TNRC6A: variants seen among roughly 807,000 people sequenced by gnomAD.
The protein encoded by TNRC6A is trinucleotide repeat-containing gene 6A protein.
A neutral mutation model predicts 221.2 loss-of-function variants in TNRC6A; 44 were observed. The ratio of observed to expected loss-of-function variants is 0.20; its 90% CI spans 0.16 to 0.26. TNRC6A has a LOEUF of 0.26. Among genes scored for constraint, TNRC6A ranks in the 10% least tolerant of loss-of-function variants. The probability of loss-of-function intolerance (pLI) is 1.00; values close to 1 mark genes in which losing one functional copy is unlikely to be tolerated. For missense variants in TNRC6A, 2,199 were observed against 2,404.4 expected (o/e 0.91, Z 1.79); for synonymous variants, 847 against 838.5 (o/e 1.01, Z -0.18).
intron 2 of TNRC6A, among the ~76,000 whole-genome samples, chr16:24,657,570 A>G (rs1470507671): frequency 1.3e-5 from 2 of 152,022 alleles, no homozygotes; most frequent in Non-Finnish European, 2.9e-5. Flanking sequence ...GTAACCAGCC[A>G]TGATGGCACG....
chr16:24,687,862 G>GAAGAAGAAGAAA (rs2055664851), intron 2 of TNRC6A, among the ~76,000 whole-genome samples: 1 of 150,268 alleles, frequency 6.7e-6, no homozygotes, highest in African/African-American at 2.4e-5. Flanking sequence ...AGAAGAAGAA[G>GAAGAAGAAGAAA]AAGAAGAAGA....
intron 2 of TNRC6A, among the ~76,000 whole-genome samples, chr16:24,706,246 T>G (rs2056090978): frequency 6.6e-6 from 1 of 152,140 alleles, no homozygotes; most frequent in South Asian, 2.1e-4. Flanking sequence ...TTTATATCAA[T>G]AAAAATACAT....
intron 2 of TNRC6A, among the ~76,000 whole-genome samples, chr16:24,655,178 A>C (rs1318273598): frequency 6.6e-6 from 1 of 152,126 alleles, no homozygotes; most frequent in Non-Finnish European, 1.5e-5. Context: ...CAGGAGGTAG[A>C]GGCTATAGTG....
At chr16:24,626,681 A>G (rs1474508506) in intron 1 of TNRC6A, among the ~76,000 whole-genome samples, 3 of 131,808 alleles carry the variant, frequency 2.3e-5, no homozygotes, top group Non-Finnish European at 1.5e-5. Flanking sequence ...ACGGAGTCTC[A>G]CTGTGTCGCC....
chr16:24,684,284 G>A (rs771234332), intron 2 of TNRC6A, among the ~76,000 whole-genome samples: 16 of 151,718 alleles, frequency 1.1e-4, no homozygotes, highest in Non-Finnish European at 1.9e-4. Context: ...TGGCACGTGG[G>A]GTCCCAGCTA....
At position 24,764,147 on chromosome 16, in the gene TNRC6A, GT is replaced by G. The variant is rs71383713; in HGVS notation, c.163+5799del. Reference sequence around the variant, plus strand: ...GTTCTCTGTTTCTATGTATTTGACTGTTTTTTTTTTTTAAGATTCCACTTGT... The same window carrying G: ...GTTCTCTGTTTCTATGTATTTGACTGTTTTTTTTTTTAAGATTCCACTTGT... On this transcript the variant is annotated intron_variant, in intron 4 of 24. Coordinates refer to ENST00000395799, the MANE Select transcript of TNRC6A (RefSeq NM_014494.4). Among the ~76,000 whole-genome samples the G allele has an allele frequency of 3.9e-4, 55 of 141,124 alleles. 1 individual carries two copies. Among genetic ancestry groups the G allele is most frequent in the South Asian group, 2.9e-3 (13 of 4,534 alleles). 92.6% of individuals were successfully genotyped at this position (141,124 alleles called of 152,430 possible). A position where few individuals can be genotyped will look rare whatever the true frequency, so the allele number is the denominator to read the frequency against.
At chr16:24,746,301 C>G (rs1878792392) in intron 2 of TNRC6A, among the ~76,000 whole-genome samples, 1 of 152,154 alleles carries the variant, frequency 6.6e-6, no homozygotes, top group African/African-American at 2.4e-5. Flanking sequence ...TGGCTCACCC[C>G]TGTAATCCCA....
Position 24,794,739 on chromosome 16 carries a change from A to T in TNRC6A, c.3528+20A>T. ...TCGAAGGTAAACATTTCAAGGGCAA[A>T]GCCCTTGAAACTTTAAATTCCAAAG... On this transcript the variant is annotated intron_variant, in intron 8 of 24. Coordinates refer to ENST00000395799, the MANE Select transcript of TNRC6A (RefSeq NM_014494.4). 3 of 1,578,970 alleles carry T rather than the reference A, an allele frequency of 1.9e-6. No homozygotes were observed. The highest frequency in any genetic ancestry group is 2.6e-6 in the Non-Finnish European group (3 of 1,167,522).
chr16:24,792,104 G>A (rs2058115073), intron 6 of TNRC6A, among the ~76,000 whole-genome samples: 1 of 152,166 alleles, frequency 6.6e-6, no homozygotes, highest in South Asian at 2.1e-4. Flanking sequence ...TTGTTTTTGA[G>A]TTAGGCCTTA....
intron 1 of TNRC6A, among the ~76,000 whole-genome samples, chr16:24,625,796 CA>C (rs1179675296): frequency 1.3e-5 from 2 of 150,788 alleles, no homozygotes; most frequent in Non-Finnish European, 2.9e-5. Context: ...CTTGTAATCC[CA>C]GCTACTCAGG....
chr16:24,611,657 G>A (rs113781048), intron 1 of TNRC6A, among the ~76,000 whole-genome samples: 469 of 152,344 alleles, frequency 3.1e-3, no homozygotes, highest in African/African-American at 0.011. Context: ...CAGCATGTGA[G>A]CGATTTAGTT....
At chr16:24,697,022 A>T (rs1357064589) in intron 2 of TNRC6A, among the ~76,000 whole-genome samples, 2 of 152,168 alleles carry the variant, frequency 1.3e-5, no homozygotes, top group East Asian at 3.9e-4. Context: ...AGCACTAGTT[A>T]GTGAGTGACT....
intron 20 of TNRC6A, among the ~76,000 whole-genome samples, chr16:24,818,358 A>T (rs2058695981): frequency 6.6e-6 from 1 of 152,154 alleles, no homozygotes; most frequent in South Asian, 2.1e-4. Flanking sequence ...GCCAGTGAGG[A>T]CAAAATCAGA....
chr16:24,689,989 TAAAAAAAAAAAAAAAAAA>T (rs60944175), intron 2 of TNRC6A, among the ~76,000 whole-genome samples: 9 of 97,516 alleles, frequency 9.2e-5, no homozygotes, highest in Admixed American at 1.3e-4. Context: ...AGGCTTAAAG[TAAAAAAAAAAAAAAAAAA>T]AAAAAAAAAA....
intron 1 of TNRC6A, among the ~76,000 whole-genome samples, chr16:24,619,979 A>C (rs981372449): frequency 6.6e-6 from 1 of 152,076 alleles, no homozygotes; most frequent in African/African-American, 2.4e-5. Flanking sequence ...CAGGCTGTAT[A>C]AAAAATTAAA....
intron 3 of TNRC6A, among the ~76,000 whole-genome samples, chr16:24,751,418 C>T (rs1364429089): frequency 6.6e-6 from 1 of 151,940 alleles, no homozygotes; most frequent in Non-Finnish European, 1.5e-5. Context: ...TTGTTTACTG[C>T]AAGGGAATTC....
chr16:24,742,157 C>G (rs1011594330), intron 2 of TNRC6A, among the ~76,000 whole-genome samples: 1 of 152,220 alleles, frequency 6.6e-6, no homozygotes, highest in Non-Finnish European at 1.5e-5. Context: ...TTTTTACATG[C>G]ATCTGTTAAG....
chr16:24,764,330 C>CT lies in TNRC6A; in HGVS notation c.163+5984dup, dbSNP rs938169376. On this transcript the variant is annotated intron_variant, in intron 4 of 24. Coordinates refer to ENST00000395799, the MANE Select transcript of TNRC6A (RefSeq NM_014494.4). Reference sequence around the variant, plus strand: ...TTGCCACAATTTCTTCTTTTCTTTTCTTTTTTTTTTTTTTGAGACAGAGTC... The same window carrying CT: ...TTGCCACAATTTCTTCTTTTCTTTTCTTTTTTTTTTTTTTTGAGACAGAGTC... Among the ~76,000 whole-genome samples the CT allele has an allele frequency of 7.1e-3, 1,002 of 141,982 alleles. 3 individuals are homozygous for CT. Among genetic ancestry groups the CT allele is most frequent in the East Asian group, 0.015 (76 of 4,940 alleles). The allele number at this position is 141,982 out of a possible 152,430, so 93.1% of individuals were successfully genotyped here.
At chr16:24,644,179 C>T (rs1349596519) in intron 2 of TNRC6A, among the ~76,000 whole-genome samples, 2 of 142,876 alleles carry the variant, frequency 1.4e-5, no homozygotes, top group Non-Finnish European at 3.0e-5. Flanking sequence ...CTCTGCCTTC[C>T]GGATTCACGC....
Sources: allele counts gnomAD v4.1 joint callset (sites outside exome capture counted in the v4.1 genomes callset), GRCh38; gene constraint gnomAD v4.1.1; transcripts MANE v1.5; gene names NCBI Gene and HGNC (gene_info 2026-07-23, HGNC 2026-07-21).